Variants in POTEF observed in about 807,000 individuals in gnomAD.
POTEF encodes the protein POTE ankyrin domain family member F.
In POTEF, 20 loss-of-function variants were observed where a neutral mutation model predicts 83.2. That is an observed-to-expected ratio of 0.24 (90% confidence interval 0.17 to 0.35). The LOEUF (loss-of-function observed/expected upper bound fraction) is 0.35, where lower values mean the gene tolerates loss of function less well. POTEF is among the 10% of genes least tolerant of loss of function. The pLI is 1.00. For missense variants in POTEF, 550 were observed against 1,203.2 expected, an observed-to-expected ratio of 0.46 and a Z score of 8.03; for synonymous variants, 196 against 446.4, an observed-to-expected ratio of 0.44 and a Z score of 7.07.
intron 8 of POTEF, among the ~76,000 whole-genome samples, chr2:130,107,531 G>C (rs1264987474): frequency 1.3e-5 from 2 of 151,018 alleles, no homozygotes; most frequent in Non-Finnish European, 2.9e-5. Context: ...GAGGAGGTGA[G>C]CAGCAGGCAA....
At chr2:130,116,556 G>A (rs2104823132) in intron 3 of POTEF, among the ~76,000 whole-genome samples, 1 of 139,426 alleles carries the variant, frequency 7.2e-6, no homozygotes. Flanking sequence ...CTAGGTATCT[G>A]TGTGTTCTCA....
intron 8 of POTEF, among the ~76,000 whole-genome samples, chr2:130,102,801 T>C (rs955053017): frequency 6.6e-6 from 1 of 151,714 alleles, no homozygotes; most frequent in Non-Finnish European, 1.5e-5. Flanking sequence ...GTTGCAAAAC[T>C]GTCACTATAT....
At chr2:130,118,400 T>C (rs951122078) in intron 3 of POTEF, among the ~76,000 whole-genome samples, 2 of 151,848 alleles carry the variant, frequency 1.3e-5, no homozygotes, top group African/African-American at 2.4e-5. Context: ...CTTATTTTAT[T>C]ATGTCTGCAA....
chr2:130,111,407 T>C lies in POTEF; in HGVS notation c.917+588A>G, dbSNP rs570154597. 5.7e-4 allele frequency among the ~76,000 whole-genome samples: 86 copies of C among 151,756 alleles called. 1 individual carries two copies. The highest frequency in any genetic ancestry group is 1.9e-3 in the African/African-American group (80 of 41,150). On this transcript the variant is annotated intron_variant, in intron 6 of 16. Coordinates refer to ENST00000409914, the MANE Select transcript of POTEF (RefSeq NM_001099771.2). ...CACTTAAAACTATCTTCACTCCCTC[T>C]CTCCATACCAATTAAAAATAAAAAC...
chr2:130,076,038 C>G (rs1313690317), intron 16 of POTEF, among the ~76,000 whole-genome samples: 1 of 113,852 alleles, frequency 8.8e-6, no homozygotes, highest in Non-Finnish European at 1.8e-5. Context: ...TGGACAGAAG[C>G]AATTTCTCAA....
At chr2:130,112,892 T>C (rs3100064) in intron 5 of POTEF, among the ~76,000 whole-genome samples, 10 of 152,038 alleles carry the variant, frequency 6.6e-5, no homozygotes, top group African/African-American at 4.8e-5. Flanking sequence ...CTGACCTAAG[T>C]ACTTGAATGA....
intron 8 of POTEF, among the ~76,000 whole-genome samples, chr2:130,106,093 G>A (rs2104807683): frequency 6.6e-6 from 1 of 151,116 alleles, no homozygotes; most frequent in African/African-American, 2.5e-5. Flanking sequence ...AGAACAAGAT[G>A]TTTGGAGCTG....
intron 5 of POTEF, among the ~76,000 whole-genome samples, chr2:130,114,037 TGA>T (rs1408365746): frequency 1.3e-5 from 2 of 152,034 alleles, no homozygotes; most frequent in Admixed American, 1.3e-4. Context: ...AAAGCAGAGC[TGA>T]GACTCTCATT....
At position 130,119,981 on chromosome 2, in the gene POTEF, C is replaced by T; in HGVS notation, c.521+14G>A. 7.9e-7 allele frequency: 1 copy of T among 1,260,594 alleles called. No homozygotes were observed. Among genetic ancestry groups the T allele is most frequent in the South Asian group, 1.3e-5 (1 of 78,454 alleles). 78.1% of individuals were successfully genotyped at this position (1,260,594 alleles called of 1,614,324 possible). A position where few individuals can be genotyped will look rare whatever the true frequency, so the allele number is the denominator to read the frequency against. On this transcript the variant is annotated intron_variant, in intron 3 of 16. Coordinates refer to ENST00000409914, the MANE Select transcript of POTEF (RefSeq NM_001099771.2). ...CCCCCACGTCCCACCTCCTCCCAGC[C>T]CAGGCCTGGTTACCTCTTTTGCTTG...
chr2:130,103,393 T>C (rs149643853), intron 8 of POTEF, among the ~76,000 whole-genome samples: 1 of 150,726 alleles, frequency 6.6e-6, no homozygotes, highest in Non-Finnish European at 1.5e-5. Context: ...GCCACCACAC[T>C]TGTCCTTATA....
chr2:130,093,093 C>A (rs1684169943), intron 12 of POTEF, among the ~76,000 whole-genome samples: 1 of 144,986 alleles, frequency 6.9e-6, no homozygotes, highest in Non-Finnish European at 1.5e-5. Flanking sequence ...CTGTTGTGAA[C>A]TGCCCATCTG....
At chr2:130,103,664 A>AT (rs1684434312) in intron 8 of POTEF, among the ~76,000 whole-genome samples, 1 of 150,964 alleles carries the variant, frequency 6.6e-6, no homozygotes, top group South Asian at 2.1e-4. Flanking sequence ...CATGTTAGGC[A>AT]TTAGGGTTTA....
intron 2 of POTEF, among the ~76,000 whole-genome samples, chr2:130,126,878 AAATG>A (rs1359032168): frequency 6.6e-6 from 1 of 152,030 alleles, no homozygotes; most frequent in African/African-American, 2.4e-5. Flanking sequence ...CAGCAAAAGA[AAATG>A]AAGAGGAACA....
At chr2:130,080,198 A>G (rs1683913901) in intron 15 of POTEF, among the ~76,000 whole-genome samples, 1 of 104,282 alleles carries the variant, frequency 9.6e-6, no homozygotes, top group Admixed American at 1.2e-4. Flanking sequence ...GTCATTATTT[A>G]TAATTCAAAA....
chr2:130,108,477 A>T (rs1334867751), intron 7 of POTEF, among the ~76,000 whole-genome samples: 1 of 151,912 alleles, frequency 6.6e-6, no homozygotes, highest in Non-Finnish European at 1.5e-5. Flanking sequence ...GTTGTTATAA[A>T]GATTTAACGA....
rs927921843 is a variant in POTEF, at chr2:130,104,472, T to C, written c.1127-2292A>G. On this transcript the variant is annotated intron_variant, in intron 8 of 16. Coordinates refer to ENST00000409914, the MANE Select transcript of POTEF (RefSeq NM_001099771.2). ...TTTTTTCATTTTGTTATTTATATAT[T>C]GCTTTGTTTAAAGGAAGAACACAAA... Among the ~76,000 whole-genome samples, 23 of 149,648 alleles carry C rather than the reference T, an allele frequency of 1.5e-4. 1 individual carries two copies. The highest frequency in any genetic ancestry group is 5.5e-4 in the African/African-American group (22 of 39,970).
At chr2:130,108,478 G>C (rs1395551909) in intron 7 of POTEF, among the ~76,000 whole-genome samples, 1 of 151,762 alleles carries the variant, frequency 6.6e-6, no homozygotes, top group Non-Finnish European at 1.5e-5. Flanking sequence ...TTGTTATAAA[G>C]ATTTAACGAG....
intron 8 of POTEF, 88 bp downstream of exon 8, chr2:130,107,921 T>C (rs1434083154): frequency 6.5e-6 from 9 of 1,378,986 alleles, no homozygotes; most frequent in African/African-American, 1.5e-5. Context: ...CCCCAGCCCA[T>C]GGAAAAATTG....
At chr2:130,118,106 A>T (rs1270830596) in intron 3 of POTEF, among the ~76,000 whole-genome samples, 6 of 151,604 alleles carry the variant, frequency 4.0e-5, no homozygotes, top group Non-Finnish European at 8.8e-5. Flanking sequence ...ATGCCCAGCT[A>T]ATTTTTTGTA....
Sources: allele counts gnomAD v4.1 joint callset (sites outside exome capture counted in the v4.1 genomes callset), GRCh38; gene constraint gnomAD v4.1.1; transcripts MANE v1.5; gene names NCBI Gene and HGNC (gene_info 2026-07-23, HGNC 2026-07-21).